Variants in KIRREL3 observed in about 807,000 individuals in gnomAD.
KIRREL3 encodes kirre like nephrin family adhesion molecule 3, also known as kin of IRRE-like protein 3.
Under a neutral mutation model 89.7 loss-of-function variants are expected in KIRREL3, and 36 were observed. That is an observed-to-expected ratio of 0.40 (90% confidence interval 0.31 to 0.53). KIRREL3 has a LOEUF of 0.53. KIRREL3 is among the 20% of genes least tolerant of loss of function. The pLI is 0.49. For synonymous variants in KIRREL3, 445 were observed against 441.4 expected (o/e 1.01, Z -0.10); for missense variants, 864 against 1,056.6 (o/e 0.82, Z 2.53).
At chr11:126,529,313 G>T (rs1565526782) in intron 2 of KIRREL3, among the ~76,000 whole-genome samples, 1 of 152,202 alleles carries the variant, frequency 6.6e-6, no homozygotes, top group Non-Finnish European at 1.5e-5. Flanking sequence ...ACGCTGGGAA[G>T]GGGGATCAGT....
chr11:126,595,100 G>A (rs1475829630), intron 1 of KIRREL3, among the ~76,000 whole-genome samples: 1 of 152,252 alleles, frequency 6.6e-6, no homozygotes, highest in Non-Finnish European at 1.5e-5. Context: ...AGGCCTGAGG[G>A]CTGTCAGCCC....
Position 126,956,903 on chromosome 11 carries a change from G to A in KIRREL3, c.55+43552C>T, listed in dbSNP as rs184679136. ...TTGTCACCCTTGGTGACACAGAGGCGCGAAAACAGGTCCAGGATCACCAGG... is the reference window on the plus strand; with the variant it reads ...TTGTCACCCTTGGTGACACAGAGGCACGAAAACAGGTCCAGGATCACCAGG... On this transcript the variant is annotated intron_variant, in intron 1 of 16. Transcript: ENST00000525144. 2.8e-4 allele frequency among the ~76,000 whole-genome samples: 43 copies of A among 152,300 alleles called. No homozygotes were observed. The East Asian group carries it at 7.1e-3, about 25-fold the overall frequency.
In KIRREL3 at chr11:126,568,513, G is replaced by C. The variant is rs1940684229; in HGVS notation, c.56-5601C>G. Among the ~76,000 whole-genome samples the C allele has an allele frequency of 1.3e-5, 2 of 152,186 alleles. No homozygotes were observed. The highest frequency in any genetic ancestry group is 4.1e-4 in the South Asian group (2 of 4,826). On this transcript the variant is annotated intron_variant, in intron 1 of 16. Transcript: ENST00000525144. This position sits in a 1 kb window ranked among gnomAD's most constrained non-coding sequence, Gnocchi z 4.6. ...CTGAAAAAATAGCTCCCATTCCCCA[G>C]ACAGTGCCTGAGATCATCTGGAGGA...
chr11:126,853,043 T>G (rs1171846301), intron 1 of KIRREL3, among the ~76,000 whole-genome samples: 1 of 152,190 alleles, frequency 6.6e-6, no homozygotes, highest in Non-Finnish European at 1.5e-5. Context: ...GTAACTTAAG[T>G]TTTTTGTGTC....
chr11:126,998,551 C>G (rs1162579408), intron 1 of KIRREL3, among the ~76,000 whole-genome samples: 2 of 152,158 alleles, frequency 1.3e-5, no homozygotes, highest in African/African-American at 4.8e-5. Context: ...CTTCCTAGCG[C>G]TCTCAGGACT....
intron 1 of KIRREL3, among the ~76,000 whole-genome samples, chr11:126,760,175 T>C (rs556752611): frequency 1.5e-4 from 23 of 152,224 alleles, no homozygotes; most frequent in Non-Finnish European, 1.5e-4. Flanking sequence ...CTTTCCTTCC[T>C]CCTGTCTGTC....
rs34918602 is a variant in KIRREL3, at chr11:126,693,607, C to CCACACACA, written c.56-130703_56-130696dup. ...TGCACATGCATGTGAGTGCCTGTGA[C>CCACACACA]CACACACACACACACACACACACAC... On this transcript the variant is annotated intron_variant, in intron 1 of 16. Coordinates refer to ENST00000525144, the MANE Select transcript of KIRREL3 (RefSeq NM_032531.4). 9.1e-3 allele frequency among the ~76,000 whole-genome samples: 1,359 copies of CCACACACA among 149,962 alleles called. 11 individuals carry two copies. The highest frequency in any genetic ancestry group is 0.012 in the Non-Finnish European group (785 of 67,378).
rs1254691341 is a variant in KIRREL3 at position 126,627,371 on chromosome 11, T to C, written c.56-64459A>G. Among the ~76,000 whole-genome samples the C allele has an allele frequency of 1.3e-5, 2 of 152,346 alleles. No homozygotes were observed. Among genetic ancestry groups the C allele is most frequent in the Admixed American group, 6.5e-5 (1 of 15,308 alleles). On this transcript the variant is annotated intron_variant, in intron 1 of 16. Transcript: ENST00000525144. This position sits in a 1 kb window ranked among gnomAD's most constrained non-coding sequence, Gnocchi z 5.0. ...CATGGTGACCTGGTCTGTGTTCCTA[T>C]AGGCCGCCCTTTAGGCAAACCTTAT...
chr11:126,861,263 G>A (rs1026865070), intron 1 of KIRREL3, among the ~76,000 whole-genome samples: 1 of 152,150 alleles, frequency 6.6e-6, no homozygotes, highest in African/African-American at 2.4e-5. Flanking sequence ...GAGTGAGGCA[G>A]CCCAGAGGTT....
rs1943321380 is a variant in KIRREL3, at chr11:126,615,807, T to A, written c.56-52895A>T. Among the ~76,000 whole-genome samples, 1 of 152,192 alleles carries A rather than the reference T, an allele frequency of 6.6e-6. No individual in the cohort carries two copies. The highest frequency in any genetic ancestry group is 2.4e-5 in the African/African-American group (1 of 41,448). ...TACATAGGCTCTGGGATGGCAGTGC[T>A]CTCTCAGCAGTTATGGTCTTTTCCA... On this transcript the variant is annotated intron_variant, in intron 1 of 16. Transcript: ENST00000525144. This position sits in a 1 kb window ranked among gnomAD's most constrained non-coding sequence, Gnocchi z 5.4.
chr11:126,631,449 GA>G (rs1315106915), intron 1 of KIRREL3, among the ~76,000 whole-genome samples: 2 of 152,206 alleles, frequency 1.3e-5, no homozygotes, highest in Non-Finnish European at 2.9e-5. Flanking sequence ...AGAATCGGAA[GA>G]TTCTGAGCAG....
In KIRREL3 at chr11:126,525,930, G is replaced by T. The variant is rs909091970; in HGVS notation, c.283+608C>A. On this transcript the variant is annotated intron_variant, in intron 3 of 16. Coordinates refer to ENST00000525144, the MANE Select transcript of KIRREL3 (RefSeq NM_032531.4). This position sits in a 1 kb window ranked among gnomAD's most constrained non-coding sequence, Gnocchi z 5.4. ...TCAGCACTGGCCAGTGAGTTCACGT[G>T]TCAGCCATCAACAACCATGGGAACT... 6.6e-6 allele frequency among the ~76,000 whole-genome samples: 1 copy of T among 152,184 alleles called. No individual in the cohort carries two copies. Among genetic ancestry groups the T allele is most frequent in the African/African-American group, 2.4e-5 (1 of 41,438 alleles).
chr11:126,660,575 A>C (rs1011456144), intron 1 of KIRREL3, among the ~76,000 whole-genome samples: 2 of 152,160 alleles, frequency 1.3e-5, no homozygotes, highest in African/African-American at 4.8e-5. Context: ...TGTATAATAC[A>C]GGCTCCCTGA....
At chr11:126,577,476 G>A (rs979382141) in intron 1 of KIRREL3, among the ~76,000 whole-genome samples, 1 of 151,884 alleles carries the variant, frequency 6.6e-6, no homozygotes, top group African/African-American at 2.4e-5. Context: ...GCCTGGTACA[G>A]TGGCTTATGC....
chr11:126,883,885 G>T lies in KIRREL3; in HGVS notation c.55+116570C>A, dbSNP rs1180495528. On this transcript the variant is annotated intron_variant, in intron 1 of 16. Transcript: ENST00000525144. This position sits in a 1 kb window ranked among gnomAD's most constrained non-coding sequence, Gnocchi z 4.1. ...ATTGGAATGGAGAGGTGGAGACATA[G>T]GTTTTGAATCGATACAAAGAACTTT... Among the ~76,000 whole-genome samples the T allele has an allele frequency of 2.6e-5, 4 of 152,168 alleles. No homozygotes were observed. The highest frequency in any genetic ancestry group is 7.2e-5 in the African/African-American group (3 of 41,444).
intron 6 of KIRREL3, among the ~76,000 whole-genome samples, chr11:126,458,187 C>T (rs758110718): frequency 3.3e-5 from 5 of 152,232 alleles, no homozygotes; most frequent in African/African-American, 7.2e-5. Flanking sequence ...GGTCAGTCCC[C>T]ACCAACAAGC....
chr11:126,608,479 G>A lies in KIRREL3; in HGVS notation c.56-45567C>T, dbSNP rs1942983183. 6.6e-6 allele frequency among the ~76,000 whole-genome samples: 1 copy of A among 151,964 alleles called. No individual in the cohort carries two copies. The highest frequency in any genetic ancestry group is 6.5e-5 in the Admixed American group (1 of 15,268). On this transcript the variant is annotated intron_variant, in intron 1 of 16. Coordinates refer to ENST00000525144, the MANE Select transcript of KIRREL3 (RefSeq NM_032531.4). The surrounding 1 kb of genome is among the most constrained non-coding windows in gnomAD (Gnocchi z 4.9). ...GGTGCCCTTCCTCTGTCTGTGGGAGGTGCGCGTCTGGCATTCCTCCAGTGC... is the reference window on the plus strand; with the variant it reads ...GGTGCCCTTCCTCTGTCTGTGGGAGATGCGCGTCTGGCATTCCTCCAGTGC...
chr11:126,481,079 C>A (rs1193620040), intron 4 of KIRREL3, among the ~76,000 whole-genome samples: 1 of 152,216 alleles, frequency 6.6e-6, no homozygotes, highest in African/African-American at 2.4e-5. Context: ...GGACAAGAAG[C>A]TTCTGCCCTA....
rs180741176 is a variant in KIRREL3, at chr11:126,769,162, G to A, written c.56-206250C>T. Reference sequence around the variant, plus strand: ...CCCTCTTCCCACAGGTCCCATCTCTGCCAGTCACTGCTTTCCCTTCCTCCT... The same window carrying A: ...CCCTCTTCCCACAGGTCCCATCTCTACCAGTCACTGCTTTCCCTTCCTCCT... On this transcript the variant is annotated intron_variant, in intron 1 of 16. Transcript: ENST00000525144. This position sits in a 1 kb window ranked among gnomAD's most constrained non-coding sequence, Gnocchi z 4.3. Among the ~76,000 whole-genome samples the A allele has an allele frequency of 6.6e-6, 1 of 152,088 alleles. No individual in the cohort carries two copies. Among genetic ancestry groups the A allele is most frequent in the South Asian group, 2.1e-4 (1 of 4,822 alleles).
Sources: allele counts gnomAD v4.1 joint callset (sites outside exome capture counted in the v4.1 genomes callset), GRCh38; gene constraint gnomAD v4.1.1; non-coding constraint Gnocchi (gnomAD v3.1); transcripts MANE v1.5; gene names NCBI Gene and HGNC (gene_info 2026-07-23, HGNC 2026-07-21).